PTPRO: variants seen among roughly 807,000 people sequenced by gnomAD.
PTPRO encodes the protein receptor-type tyrosine-protein phosphatase O.
Under a neutral mutation model 145.2 loss-of-function variants are expected in PTPRO, and 62 were observed. That is an observed-to-expected ratio of 0.43 (90% CI 0.35 to 0.53). The LOEUF is 0.53. PTPRO is among the 20% of genes least tolerant of loss of function. The probability of loss-of-function intolerance (pLI) is 0.01; values close to 1 mark genes in which losing one functional copy is unlikely to be tolerated. For missense variants in PTPRO, 1,345 were observed against 1,482.7 expected (o/e 0.91, Z 1.53); for synonymous variants, 565 against 514.7 (o/e 1.10, Z -1.32).
intron 12 of PTPRO, among the ~76,000 whole-genome samples, chr12:15,542,741 T>C (rs1943205259): frequency 1.3e-5 from 2 of 152,334 alleles, no homozygotes; most frequent in Admixed American, 6.5e-5. Flanking sequence ...ATAATCAATA[T>C]AAATAATTAT....
At chr12:15,388,478 A>G (rs755122276) in intron 1 of PTPRO, among the ~76,000 whole-genome samples, 1 of 152,186 alleles carries the variant, frequency 6.6e-6, no homozygotes, top group Non-Finnish European at 1.5e-5. Flanking sequence ...ATAGCTAGAG[A>G]GTCCTGCCAT....
At chr12:15,353,136 C>T (rs976527799) in intron 1 of PTPRO, among the ~76,000 whole-genome samples, 3 of 152,126 alleles carry the variant, frequency 2.0e-5, no homozygotes, top group African/African-American at 7.2e-5. Context: ...CATTTATGTG[C>T]AGGTTACAAT....
chr12:15,379,092 T>C (rs1240890559), intron 1 of PTPRO, among the ~76,000 whole-genome samples: 3 of 152,000 alleles, frequency 2.0e-5, no homozygotes, highest in African/African-American at 7.3e-5. Flanking sequence ...GAAGGTAAAA[T>C]AGTATGGCCA....
At position 15,499,601 on chromosome 12, in the gene PTPRO, C is replaced by A. The variant is rs372827155; in HGVS notation, c.661+7C>A. The A allele has an allele frequency of 4.3e-6, 7 of 1,610,682 alleles. No homozygotes were observed. The highest frequency in any genetic ancestry group is 5.9e-6 in the Non-Finnish European group (7 of 1,177,030). ...CCCAAACAGCACAGAACTGGTAAGT[C>A]TCCTGAAGAATCAAATACAGTGAAA... is the stretch of plus-strand genomic sequence containing the variant. On this transcript the variant is annotated splice_region_variant and intron_variant, in intron 4 of 26. Transcript: ENST00000281171.
intron 1 of PTPRO, among the ~76,000 whole-genome samples, chr12:15,391,552 G>A (rs1591769243): frequency 6.6e-6 from 1 of 152,068 alleles, no homozygotes; most frequent in Admixed American, 6.6e-5. Context: ...TGAACACTGC[G>A]ATTCCACACA....
chr12:15,553,709 C>T (rs192450052), intron 15 of PTPRO, among the ~76,000 whole-genome samples: 111 of 152,266 alleles, frequency 7.3e-4, no homozygotes, highest in Non-Finnish European at 1.2e-3. Context: ...TTAACACTTT[C>T]ATTTTGACTT....
chr12:15,385,470 A>G (rs780843910), intron 1 of PTPRO, among the ~76,000 whole-genome samples: 3 of 152,152 alleles, frequency 2.0e-5, no homozygotes, highest in Non-Finnish European at 4.4e-5. Context: ...GAAGGAGGTT[A>G]GGAGAGAGTG....
chr12:15,351,842 T>C (rs1249519034), intron 1 of PTPRO, among the ~76,000 whole-genome samples: 1 of 152,178 alleles, frequency 6.6e-6, no homozygotes, highest in African/African-American at 2.4e-5. Context: ...CAAAATGTAT[T>C]TTTTTATTGC....
chr12:15,393,650 A>C (rs1347187963), intron 1 of PTPRO, among the ~76,000 whole-genome samples: 2 of 145,600 alleles, frequency 1.4e-5, no homozygotes, highest in Admixed American at 6.9e-5. Context: ...TTTTTCTGAG[A>C]GTCTTCTGTT....
rs776048320 is a variant in PTPRO at position 15,581,764 on chromosome 12, A to C, written c.3218A>C (p.Gln1073Pro). 8 of 1,613,926 alleles carry C rather than the reference A, an allele frequency of 5.0e-6. No homozygotes were observed. The highest frequency in any genetic ancestry group is 6.8e-6 in the Non-Finnish European group (8 of 1,179,938). Residue 1073 changes from glutamine to proline, a missense_variant, in exon 23 of 27, where the codon CAG (glutamine) becomes CCG (proline). This residue lies in a region of PTPRO where 208 missense variants were observed against 242.8 expected (regional missense o/e 0.86). Coordinates refer to ENST00000281171, the MANE Select transcript of PTPRO (RefSeq NM_030667.3). ...ITVEMISEEE[Q>P]DDWACRHFRI... ...GTGGAGATGATTTCAGAGGAAGAGC[A>C]GGACGACTGGGCCTGTAGACACTTC... is the stretch of plus-strand genomic sequence containing the variant.
chr12:15,552,469 A>T (rs1943490382), intron 15 of PTPRO, among the ~76,000 whole-genome samples: 1 of 152,224 alleles, frequency 6.6e-6, no homozygotes, highest in Non-Finnish European at 1.5e-5. Context: ...ATTTATAAAT[A>T]AATTCATCTA....
At position 15,520,269 on chromosome 12, in the gene PTPRO, A is replaced by G. The variant is rs1942687982; in HGVS notation, c.1848A>G (p.Pro616=). The G allele has an allele frequency of 1.2e-6, 2 of 1,613,756 alleles. No individual in the cohort carries two copies. The highest frequency in any genetic ancestry group is 1.7e-6 in the Non-Finnish European group (2 of 1,179,844). ...FRVTMVTWGD[P]ELSCCDSSTI... ...TTACCATGGTGACGTGGGGAGATCCAGAATTGAGCTGCTGTGACAGCTCTA... is the reference window on the plus strand; with the variant it reads ...TTACCATGGTGACGTGGGGAGATCCGGAATTGAGCTGCTGTGACAGCTCTA... Residue 616 remains proline, a synonymous_variant, in exon 10 of 27, where the codon CCA becomes CCG. Transcript: ENST00000281171.
At chr12:15,570,170 A>T (rs976315560) in intron 19 of PTPRO, among the ~76,000 whole-genome samples, 2 of 152,308 alleles carry the variant, frequency 1.3e-5, no homozygotes, top group Non-Finnish European at 2.9e-5. Context: ...GTGTGGGGGA[A>T]GATAATTAGT....
intron 1 of PTPRO, chr12:15,439,781 C>A (rs1940706349): frequency 3.3e-6 from 2 of 601,674 alleles, no homozygotes; most frequent in South Asian, 1.5e-5. Context: ...CTTCTCCCTG[C>A]CCATCAAAGA....
intron 4 of PTPRO, among the ~76,000 whole-genome samples, chr12:15,500,983 C>G (rs763420326): frequency 1.2e-4 from 19 of 152,174 alleles, no homozygotes; most frequent in Non-Finnish European, 2.4e-4. Flanking sequence ...ATTTGAAGAA[C>G]AAGTAGAAAC....
At chr12:15,479,179 T>C (rs1190612635) in intron 1 of PTPRO, among the ~76,000 whole-genome samples, 2 of 152,146 alleles carry the variant, frequency 1.3e-5, no homozygotes, top group Non-Finnish European at 1.5e-5. Flanking sequence ...GTTGCTACCT[T>C]AACCGTCAGA....
At position 15,528,461 on chromosome 12, in the gene PTPRO, C is replaced by T. The variant is rs191369831; in HGVS notation, c.2164+2199C>T. Among the ~76,000 whole-genome samples, 715 of 149,114 alleles carry T rather than the reference C, an allele frequency of 4.8e-3. 7 individuals carry two copies. The highest frequency in any genetic ancestry group is 0.017 in the African/African-American group (686 of 40,436). ...AATGATGTGAACTCAGGAGGTGGAGCTTGCAGTGAGCCGAGATCGCACCAC... is the reference window on the plus strand; with the variant it reads ...AATGATGTGAACTCAGGAGGTGGAGTTTGCAGTGAGCCGAGATCGCACCAC... On this transcript the variant is annotated intron_variant, in intron 12 of 26. Coordinates refer to ENST00000281171, the MANE Select transcript of PTPRO (RefSeq NM_030667.3).
intron 7 of PTPRO, 34 bp from the exon 8 acceptor site, chr12:15,515,464 T>G (rs1381994645): frequency 1.2e-6 from 2 of 1,612,122 alleles, no homozygotes; most frequent in South Asian, 2.2e-5. Flanking sequence ...AAATCCCAGC[T>G]CTAAATAAAT....
chr12:15,446,096 A>G (rs1450539458), intron 1 of PTPRO, among the ~76,000 whole-genome samples: 1 of 152,158 alleles, frequency 6.6e-6, no homozygotes, highest in Non-Finnish European at 1.5e-5. Context: ...ATTCAGAACA[A>G]TGCATAATAG....
Sources: gnomAD v4.1 joint callset for allele counts (sites outside exome capture counted in the v4.1 genomes callset) on GRCh38, gnomAD v4.1.1 for gene constraint, gnomAD v4.1.1 regional missense constraint, MANE v1.5 for transcripts, NCBI Gene and HGNC (gene_info 2026-07-23, HGNC 2026-07-21) for gene names.